PXDNL: variants seen among roughly 807,000 people sequenced by gnomAD.
PXDNL encodes the protein peroxidasin like.
In PXDNL, 145 loss-of-function variants were observed where a neutral mutation model predicts 150.8. The ratio of observed to expected loss-of-function variants is 0.96; its 90% CI spans 0.84 to 1.10. The LOEUF is 1.10. Among genes scored for constraint, PXDNL ranks in the 50% least tolerant of loss-of-function variants. The pLI is 0.00. For missense variants in PXDNL, 2,087 were observed against 1,873.9 expected (o/e 1.11, Z -2.10); for synonymous variants, 757 against 725.7 (o/e 1.04, Z -0.69).
At chr8:51,321,010 C>G in intron 21 of PXDNL, 113 bp from the exon 22 acceptor site, 1 of 759,234 alleles carries the variant, frequency 1.3e-6, no homozygotes, top group Non-Finnish European at 2.2e-6. Flanking sequence ...ACCTAGAAGG[C>G]AAAAGAAACT....
At chr8:51,513,334 C>T (rs971861595) in intron 4 of PXDNL, among the ~76,000 whole-genome samples, 11 of 152,168 alleles carry the variant, frequency 7.2e-5, no homozygotes, top group African/African-American at 2.7e-4. Context: ...ACTGACATGC[C>T]CTGCACTGTG....
intron 5 of PXDNL, among the ~76,000 whole-genome samples, chr8:51,498,774 T>C (rs1428785891): frequency 6.6e-6 from 1 of 152,204 alleles, no homozygotes; most frequent in East Asian, 1.9e-4. Context: ...ATTCAACTTC[T>C]CAATACCACA....
At chr8:51,424,788 T>C (rs1809048099) in intron 13 of PXDNL, among the ~76,000 whole-genome samples, 2 of 152,230 alleles carry the variant, frequency 1.3e-5, no homozygotes, top group South Asian at 4.1e-4. Context: ...ACACTCCAGC[T>C]ATGGCCAATA....
At chr8:51,797,974 CA>C (rs2037580445) in intron 1 of PXDNL, among the ~76,000 whole-genome samples, 1 of 152,130 alleles carries the variant, frequency 6.6e-6, no homozygotes, top group Non-Finnish European at 1.5e-5. Flanking sequence ...GATACAAAAA[CA>C]GACACATAGA....
intron 17 of PXDNL, among the ~76,000 whole-genome samples, chr8:51,381,267 T>C (rs1807527408): frequency 6.6e-6 from 1 of 152,218 alleles, no homozygotes; most frequent in African/African-American, 2.4e-5. Flanking sequence ...CAAAACTTTT[T>C]CTGAAACTCT....
chr8:51,409,273 G>A lies in PXDNL; in HGVS notation c.2351C>T (p.Ala784Val). 4 of 1,441,278 alleles carry A rather than the reference G, an allele frequency of 2.8e-6. No individual in the cohort carries two copies. Among genetic ancestry groups the A allele is most frequent in the Admixed American group, 3.0e-5 (1 of 33,806 alleles). The allele number at this position is 1,441,278 out of a possible 1,614,324, so 89.3% of individuals were successfully genotyped here. The change falls in exon 17 of 23, where the codon GCC (alanine) becomes GTC (valine). Residue 784 changes from alanine (A) to valine (V), a missense_variant. Ala to Val is a moderately conservative substitution (Grantham distance 64). Transcript: ENST00000356297. ...GGCCGCCGCGCGCGCCCACACTGTG[G>A]CGACCAGCCGGGGCGGCGGGAGGGG... Reference protein sequence around the residue: ...RQPLPPPRLVATVWARAAAVT... With the variant: ...RQPLPPPRLVVTVWARAAAVT...
chr8:51,368,012 C>A (rs1300099706), intron 19 of PXDNL, among the ~76,000 whole-genome samples: 1 of 152,114 alleles, frequency 6.6e-6, no homozygotes, highest in Non-Finnish European at 1.5e-5. Flanking sequence ...CCTGTAATCC[C>A]AGCTACTTGG....
chr8:51,689,412 C>A (rs1815942959), intron 1 of PXDNL, among the ~76,000 whole-genome samples: 1 of 151,762 alleles, frequency 6.6e-6, no homozygotes, highest in African/African-American at 2.4e-5. Flanking sequence ...TTCACAACCT[C>A]TCTATTGATC....
intron 8 of PXDNL, among the ~76,000 whole-genome samples, chr8:51,463,666 C>T (rs936109029): frequency 2.6e-5 from 4 of 152,110 alleles, no homozygotes; most frequent in Middle Eastern, 3.2e-3. Flanking sequence ...AATATACTTT[C>T]TTCTCATCTG....
intron 2 of PXDNL, among the ~76,000 whole-genome samples, chr8:51,645,369 C>T (rs913363705): frequency 3.9e-5 from 6 of 152,154 alleles, no homozygotes; most frequent in Non-Finnish European, 7.3e-5. Context: ...ATCTGGGCAT[C>T]CTGCGCCCTG....
chr8:51,535,130 C>T (rs1194553501), intron 4 of PXDNL, among the ~76,000 whole-genome samples: 2 of 131,056 alleles, frequency 1.5e-5, no homozygotes, highest in Non-Finnish European at 3.1e-5. Context: ...GCCGCCCCAT[C>T]CGGGAGGTGA....
chr8:51,547,781 C>A (rs77158073), intron 4 of PXDNL, among the ~76,000 whole-genome samples: 3,972 of 152,232 alleles, frequency 0.026, 95 homozygotes, highest in African/African-American at 0.06. Context: ...TGACAAAACA[C>A]CGTTCTACAA....
At chr8:51,495,794 T>C (rs982300824) in intron 5 of PXDNL, among the ~76,000 whole-genome samples, 5 of 152,006 alleles carry the variant, frequency 3.3e-5, no homozygotes, top group Non-Finnish European at 7.4e-5. Flanking sequence ...ATTAATAGCT[T>C]ACCAACCAAA....
rs577487210 is a variant in PXDNL at position 51,541,831 on chromosome 8, C to T, written c.380+15009G>A. 2.0e-5 allele frequency among the ~76,000 whole-genome samples: 3 copies of T among 151,936 alleles called. No individual in the cohort carries two copies. The South Asian group carries it at 6.2e-4, about 31-fold the overall frequency. On this transcript the variant is annotated intron_variant, in intron 4 of 22. Coordinates refer to ENST00000356297, the MANE Select transcript of PXDNL (RefSeq NM_144651.5). ...CGTGTGTCCCTTCCCTCATGGACCA[C>T]AGCCCCTTGCAGCCTGCTCTCCAGT...
At chr8:51,498,156 T>C (rs939878574) in intron 5 of PXDNL, among the ~76,000 whole-genome samples, 2 of 151,692 alleles carry the variant, frequency 1.3e-5, no homozygotes, top group African/African-American at 4.9e-5. Flanking sequence ...CTGGAAACCA[T>C]CATTCTCAGC....
chr8:51,430,552 T>C (rs1343792624), intron 12 of PXDNL, among the ~76,000 whole-genome samples: 2 of 152,194 alleles, frequency 1.3e-5, no homozygotes, highest in Non-Finnish European at 2.9e-5. Context: ...ATGGACCTGA[T>C]TGGGAACATG....
chr8:51,433,457 G>A (rs1250328340), intron 12 of PXDNL, among the ~76,000 whole-genome samples: 1 of 151,730 alleles, frequency 6.6e-6, no homozygotes, highest in East Asian at 1.9e-4. Context: ...GAGTCAGTGG[G>A]GCAATATTTT....
intron 1 of PXDNL, among the ~76,000 whole-genome samples, chr8:51,773,724 C>T (rs2037323803): frequency 6.6e-6 from 1 of 152,204 alleles, no homozygotes; most frequent in Non-Finnish European, 1.5e-5. Flanking sequence ...TTAAGTTTAA[C>T]ATTCTGCTAA....
chr8:51,541,542 C>G (rs901502999), intron 4 of PXDNL, among the ~76,000 whole-genome samples: 73 of 152,236 alleles, frequency 4.8e-4, no homozygotes, highest in African/African-American at 1.6e-3. Context: ...TCTTTTCTAG[C>G]CACAAGTAGT....
Sources: allele counts gnomAD v4.1 joint callset (sites outside exome capture counted in the v4.1 genomes callset), GRCh38; gene constraint gnomAD v4.1.1; transcripts MANE v1.5; gene names NCBI Gene and HGNC (gene_info 2026-07-23, HGNC 2026-07-21).